The following PLAT variants were observed in gnomAD, a reference collection of about 807,000 sequenced individuals.
PLAT encodes the protein tissue-type plasminogen activator.
Under a neutral mutation model 74.9 loss-of-function variants are expected in PLAT, and 48 were observed. The ratio of observed to expected loss-of-function variants is 0.64; its 90% CI spans 0.51 to 0.82. The LOEUF (loss-of-function observed/expected upper bound fraction) is 0.82, where lower values mean the gene tolerates loss of function less well. Ranked by LOEUF, PLAT falls within the 40% of genes least tolerant of loss-of-function variation. The pLI, the probability that PLAT is intolerant of heterozygous loss-of-function variation, is 0.00. For missense variants in PLAT, 673 were observed against 736.2 expected (o/e 0.91, Z 0.99); for synonymous variants, 307 against 294.4 (o/e 1.04, Z -0.44).
chr8:42,204,004 C>T (rs576902157), intron 1 of PLAT, among the ~76,000 whole-genome samples: 1,709 of 129,442 alleles, frequency 0.013, 13 homozygotes, highest in Middle Eastern at 0.019. Flanking sequence ...CACACACACA[C>T]ACACACACAC....
At chr8:42,191,835 G>A (rs1805697935) in intron 2 of PLAT, among the ~76,000 whole-genome samples, 1 of 151,932 alleles carries the variant, frequency 6.6e-6, no homozygotes, top group African/African-American at 2.4e-5. Flanking sequence ...GGCTCTCCCC[G>A]CTGTAGGGTC....
At chr8:42,178,868 C>G in intron 13 of PLAT, 29 bp downstream of exon 13, 1 of 1,608,158 alleles carries the variant, frequency 6.2e-7, no homozygotes, top group Non-Finnish European at 8.5e-7. Flanking sequence ...CTGGGTTGTG[C>G]CCAGCATGGG....
At chr8:42,177,668 T>C (rs934347671) in intron 13 of PLAT, among the ~76,000 whole-genome samples, 1 of 152,248 alleles carries the variant, frequency 6.6e-6, no homozygotes, top group Non-Finnish European at 1.5e-5. Flanking sequence ...GCTGTTCTTA[T>C]ATTGAATTAA....
chr8:42,182,973 C>G (rs1005417804), intron 7 of PLAT, 83 bp from the exon 8 acceptor site: 1 of 1,148,674 alleles, frequency 8.7e-7, no homozygotes, highest in Non-Finnish European at 1.3e-6. Flanking sequence ...GCGGAGCTGC[C>G]GGTCGAGGAA....
chr8:42,178,006 A>G (rs1239131505), intron 13 of PLAT, among the ~76,000 whole-genome samples: 1 of 152,216 alleles, frequency 6.6e-6, no homozygotes, highest in Non-Finnish European at 1.5e-5. Flanking sequence ...TGCAGGTCTT[A>G]ATACCAGCAG....
At chr8:42,179,667 C>T (rs1458005953) in intron 12 of PLAT, among the ~76,000 whole-genome samples, 1 of 152,228 alleles carries the variant, frequency 6.6e-6, no homozygotes, top group African/African-American at 2.4e-5. Context: ...AGCGACTGTA[C>T]TCCACTTCCT....
At chr8:42,193,288 T>C (rs1805757403) in intron 1 of PLAT, 77 bp from the exon 2 acceptor site, 1 of 920,642 alleles carries the variant, frequency 1.1e-6, no homozygotes, top group African/African-American at 1.6e-5. Context: ...TAAGCCGCAA[T>C]GTTGTCCTGT....
chr8:42,202,203 A>AT (rs1414811739), intron 1 of PLAT, among the ~76,000 whole-genome samples: 2 of 124,910 alleles, frequency 1.6e-5, no homozygotes, highest in African/African-American at 6.7e-5. Flanking sequence ...TTTTTTTTTC[A>AT]TTTTTTTGTA....
At chr8:42,180,928 C>A (rs1805215812) in intron 9 of PLAT, among the ~76,000 whole-genome samples, 1 of 152,244 alleles carries the variant, frequency 6.6e-6, no homozygotes, top group Non-Finnish European at 1.5e-5. Flanking sequence ...GACTCCAAAA[C>A]TGGGGATCTG....
Position 42,179,904 on chromosome 8 carries a change from G to A in PLAT, c.1363+22C>T, listed in dbSNP as rs570926241. 322 of 1,559,644 alleles carry A rather than the reference G, an allele frequency of 2.1e-4. 3 individuals are homozygous for A. In the South Asian group the frequency reaches 3.7e-3, roughly 18 times the overall value. On this transcript the variant is annotated intron_variant, in intron 12 of 13. Coordinates refer to ENST00000220809, the MANE Select transcript of PLAT (RefSeq NM_000930.5). ...CCTGCTGTCCCGCAGACAGGATGGGGCCGAGACTTCCTTCCACTTACAGGC... is the reference window on the plus strand; with the variant it reads ...CCTGCTGTCCCGCAGACAGGATGGGACCGAGACTTCCTTCCACTTACAGGC...
At position 42,179,872 on chromosome 8, in the gene PLAT, A is replaced by C. The variant is rs537597224; in HGVS notation, c.1363+54T>G. ...ACCCCATTTTCCTCTGGTGGACCGC[A>C]GCCTCCCCTGCTGTCCCGCAGACAG... On this transcript the variant is annotated intron_variant, in intron 12 of 13. Coordinates refer to ENST00000220809, the MANE Select transcript of PLAT (RefSeq NM_000930.5). The C allele has an allele frequency of 4.0e-5, 59 of 1,485,480 alleles. No individual in the cohort carries two copies. In the African/African-American group the frequency reaches 6.4e-4, roughly 16 times the overall value. The allele number at this position is 1,485,480 out of a possible 1,614,324, so 92.0% of individuals were successfully genotyped here.
chr8:42,200,170 AC>A (rs1381094674), intron 1 of PLAT, among the ~76,000 whole-genome samples: 1 of 152,296 alleles, frequency 6.6e-6, no homozygotes, highest in Non-Finnish European at 1.5e-5. Flanking sequence ...AGTTTACTAA[AC>A]CCTTTCACAT....
intron 8 of PLAT, chr8:42,182,472 A>C: frequency 8.2e-6 from 3 of 365,060 alleles, no homozygotes; most frequent in Non-Finnish European, 9.9e-6. Context: ...TGTCAGGAGA[A>C]CAGCTGAGGA....
At chr8:42,180,899 T>C (rs1805215454) in intron 9 of PLAT, 1 of 519,710 alleles carries the variant, frequency 1.9e-6, no homozygotes, top group Non-Finnish European at 3.4e-6. Flanking sequence ...GGCACCTGGA[T>C]TAGTTCCCAA....
In PLAT at chr8:42,180,327, G is replaced by T; in HGVS notation, c.1137C>A (p.Val379=). ...CAAATTTCTGCTCCTCCTCGCCAGG[G>T]ACCACCCGGTATGTTCTGCCCAAGA... is the stretch of plus-strand genomic sequence containing the variant. ...TVILGRTYRV[V]PGEEEQKFEV... The change falls in exon 11 of 14, where the codon GTC becomes GTA. Residue 379 remains valine, a synonymous_variant. Coordinates refer to ENST00000220809, the MANE Select transcript of PLAT (RefSeq NM_000930.5). The T allele has an allele frequency of 6.2e-7, 1 of 1,614,228 alleles. No individual in the cohort carries two copies. The highest frequency in any genetic ancestry group is 8.5e-7 in the Non-Finnish European group (1 of 1,180,016).
chr8:42,181,083 T>C (rs1805220895), intron 9 of PLAT, among the ~76,000 whole-genome samples: 1 of 152,230 alleles, frequency 6.6e-6, no homozygotes, highest in South Asian at 2.1e-4. Flanking sequence ...GGTGCAATCC[T>C]GCCTCCTCGC....
chr8:42,199,149 A>G (rs1806032080), intron 1 of PLAT, among the ~76,000 whole-genome samples: 1 of 152,212 alleles, frequency 6.6e-6, no homozygotes, highest in Admixed American at 6.5e-5. Context: ...CACTTTCAAA[A>G]ACTACCATCA....
rs8178766 is a variant in PLAT at position 42,184,853 on chromosome 8, A to C, written c.631+228T>G. 4.8e-3 allele frequency: 1,864 copies of C among 389,024 alleles called. 31 individuals carry two copies. The highest frequency in any genetic ancestry group is 0.036 in the African/African-American group (1,726 of 48,536). The allele number at this position is 389,024 out of a possible 1,614,324, so 24.1% of individuals were successfully genotyped here. On this transcript the variant is annotated intron_variant, in intron 7 of 13. Transcript: ENST00000220809. Reference sequence around the variant, plus strand: ...CCATCCTCTCCTCCATAGAGGAGGAAATTGAGGGTCAGAGTGTGAGGAGAT... The same window carrying C: ...CCATCCTCTCCTCCATAGAGGAGGACATTGAGGGTCAGAGTGTGAGGAGAT...
At chr8:42,191,801 G>A (rs8178732) in intron 2 of PLAT, among the ~76,000 whole-genome samples, 2,904 of 152,072 alleles carry the variant, frequency 0.019, 87 homozygotes, top group African/African-American at 0.066. Context: ...GTTGCAGCTG[G>A]CTGTCTACTC....
Sources: gnomAD v4.1 joint callset for allele counts (sites outside exome capture counted in the v4.1 genomes callset) on GRCh38, gnomAD v4.1.1 for gene constraint, MANE v1.5 for transcripts, NCBI Gene and HGNC (gene_info 2026-07-23, HGNC 2026-07-21) for gene names.